Variants in TAFA2 observed in about 807,000 individuals in gnomAD.
The protein encoded by TAFA2 is TAFA chemokine like family member 2, also known as chemokine-like protein TAFA-2.
A neutral mutation model predicts 18.8 loss-of-function variants in TAFA2; 7 were observed. That is an observed-to-expected ratio of 0.37 (90% CI 0.21 to 0.70). TAFA2 has a LOEUF of 0.70. Ranked by LOEUF, TAFA2 falls within the 30% of genes least tolerant of loss-of-function variation. TAFA2 has a pLI of 0.53. For missense variants in TAFA2, 122 were observed against 158.1 expected, an observed-to-expected ratio of 0.77 and a Z score of 1.23; for synonymous variants, 60 against 54.2, an observed-to-expected ratio of 1.11 and a Z score of -0.47.
chr12:62,161,664 T>C (rs1272968332), intron 1 of TAFA2, among the ~76,000 whole-genome samples: 1 of 152,186 alleles, frequency 6.6e-6, no homozygotes, highest in Non-Finnish European at 1.5e-5. Flanking sequence ...TCTACACTTG[T>C]AACAAAATTG....
chr12:62,033,883 A>G (rs1395638546), intron 1 of TAFA2, among the ~76,000 whole-genome samples: 1 of 152,146 alleles, frequency 6.6e-6, no homozygotes, highest in African/African-American at 2.4e-5. Flanking sequence ...TCACTATTAG[A>G]TTACTTTTAT....
Position 61,836,739 on chromosome 12 carries a change from A to ATGTG in TAFA2, c.106+30580_106+30581insCACA, listed in dbSNP as rs1408943862. 5.0e-3 allele frequency among the ~76,000 whole-genome samples: 657 copies of ATGTG among 130,112 alleles called. 7 individuals carry two copies. The highest frequency in any genetic ancestry group is 0.014 in the African/African-American group (521 of 37,780). 85.4% of individuals were successfully genotyped at this position (130,112 alleles called of 152,430 possible). Reference sequence around the variant, plus strand: ...TAGAATTGTTGCCAATTTGATATATATATATATATATATATATACACACAC... The same window carrying ATGTG: ...TAGAATTGTTGCCAATTTGATATATATGTGTATATATATATATATATACACACAC... On this transcript the variant is annotated intron_variant, in intron 2 of 4. Coordinates refer to ENST00000416284, the MANE Select transcript of TAFA2 (RefSeq NM_178539.5).
At chr12:61,880,424 G>A (rs749830014) in intron 1 of TAFA2, 2 of 539,082 alleles carry the variant, frequency 3.7e-6, no homozygotes, top group Admixed American at 1.9e-5. Flanking sequence ...GCAGGACATG[G>A]CACAGCAGCT....
chr12:61,956,475 T>C (rs1181210436), intron 1 of TAFA2, among the ~76,000 whole-genome samples: 1 of 152,106 alleles, frequency 6.6e-6, no homozygotes, highest in Non-Finnish European at 1.5e-5. Context: ...AAGAGAGTTA[T>C]AAAATGACTA....
intron 1 of TAFA2, among the ~76,000 whole-genome samples, chr12:61,922,599 C>G (rs1446168953): frequency 6.6e-6 from 1 of 152,194 alleles, no homozygotes; most frequent in African/African-American, 2.4e-5. Flanking sequence ...TCTTTGCAAC[C>G]CGCAGACCAG....
chr12:62,156,901 A>G lies in TAFA2; in HGVS notation c.-2+34358T>C, dbSNP rs568515880. On this transcript the variant is annotated intron_variant, in intron 1 of 4. Coordinates refer to ENST00000416284, the MANE Select transcript of TAFA2 (RefSeq NM_178539.5). ...TAACTTAAGGGAAAAAAATTTAAAA[A>G]CTATATGTGATTCACTATGGTCTAT... Among the ~76,000 whole-genome samples the G allele has an allele frequency of 2.6e-4, 39 of 152,234 alleles. No homozygotes were observed. The South Asian group carries it at 6.6e-3, about 26-fold the overall frequency.
In TAFA2 at chr12:61,914,550, C is replaced by A. The variant is rs146362495; in HGVS notation, c.-1-47124G>T. ...TTATTCCAGTTAAAGTCTCTCTTGG[C>A]CCATCAATGAATAAAAACTACCTAA... On this transcript the variant is annotated intron_variant, in intron 1 of 4. Transcript: ENST00000416284. Among the ~76,000 whole-genome samples, 259 of 152,264 alleles carry A rather than the reference C, an allele frequency of 1.7e-3. 1 individual carries two copies. The highest frequency in any genetic ancestry group is 5.7e-3 in the African/African-American group (237 of 41,560).
At chr12:61,734,530 A>T (rs1023855189) in intron 4 of TAFA2, among the ~76,000 whole-genome samples, 16 of 152,020 alleles carry the variant, frequency 1.1e-4, no homozygotes, top group East Asian at 3.9e-4. Flanking sequence ...TAAAATAAAA[A>T]AAACTAAACT....
intron 2 of TAFA2, among the ~76,000 whole-genome samples, chr12:61,797,147 A>T (rs1871220719): frequency 6.6e-6 from 1 of 152,306 alleles, no homozygotes; most frequent in African/African-American, 2.4e-5. Flanking sequence ...TGGTTGTAGA[A>T]TGGTTAACAG....
intron 2 of TAFA2, among the ~76,000 whole-genome samples, chr12:61,866,769 A>T (rs2121217746): frequency 6.6e-6 from 1 of 152,334 alleles, no homozygotes; most frequent in Non-Finnish European, 1.5e-5. Context: ...CCCACAAAAA[A>T]CATTGAAAGA....
chr12:61,979,796 A>G (rs1244655104), intron 1 of TAFA2, among the ~76,000 whole-genome samples: 3 of 152,074 alleles, frequency 2.0e-5, no homozygotes, highest in Non-Finnish European at 1.5e-5. Context: ...CCATCACTAC[A>G]GTAAAGATGC....
intron 1 of TAFA2, among the ~76,000 whole-genome samples, chr12:61,962,754 T>A (rs1354174500): frequency 6.6e-6 from 1 of 152,024 alleles, no homozygotes; most frequent in Non-Finnish European, 1.5e-5. Flanking sequence ...GTATTAAATT[T>A]TTTTTATTAT....
At chr12:61,941,534 T>A (rs1343439984) in intron 1 of TAFA2, among the ~76,000 whole-genome samples, 1 of 152,210 alleles carries the variant, frequency 6.6e-6, no homozygotes, top group Non-Finnish European at 1.5e-5. Flanking sequence ...CATTTCCATC[T>A]GAGGTACCGG....
chr12:62,083,849 A>G (rs533351283), intron 1 of TAFA2, among the ~76,000 whole-genome samples: 3 of 152,294 alleles, frequency 2.0e-5, no homozygotes. Context: ...TTGTGTTAGT[A>G]ACCTTAGCAT....
chr12:62,024,367 T>C (rs1405274005), intron 1 of TAFA2, among the ~76,000 whole-genome samples: 3 of 152,188 alleles, frequency 2.0e-5, no homozygotes, highest in African/African-American at 7.2e-5. Context: ...TCATACCTTC[T>C]TCTAAAATGA....
At chr12:62,167,021 G>A (rs372652318) in intron 1 of TAFA2, among the ~76,000 whole-genome samples, 12 of 151,954 alleles carry the variant, frequency 7.9e-5, no homozygotes, top group African/African-American at 1.5e-4. Context: ...ATGACTTAGC[G>A]ATGTTTCCAT....
At chr12:61,931,075 C>T (rs1317383849) in intron 1 of TAFA2, among the ~76,000 whole-genome samples, 1 of 152,198 alleles carries the variant, frequency 6.6e-6, no homozygotes, top group East Asian at 1.9e-4. Context: ...AGAAATTGCG[C>T]TGTTCAAGTT....
intron 1 of TAFA2, among the ~76,000 whole-genome samples, chr12:62,036,179 A>T (rs749721828): frequency 3.9e-5 from 6 of 152,178 alleles, no homozygotes; most frequent in Non-Finnish European, 7.4e-5. Flanking sequence ...GGTTTTGCCA[A>T]AAGTCCCCTT....
intron 2 of TAFA2, among the ~76,000 whole-genome samples, chr12:61,790,716 T>C (rs1177042575): frequency 6.6e-6 from 1 of 151,770 alleles, no homozygotes; most frequent in African/African-American, 2.4e-5. Flanking sequence ...AACTGAGAAG[T>C]ACACGAATAA....
Sources: allele counts gnomAD v4.1 joint callset (sites outside exome capture counted in the v4.1 genomes callset), GRCh38; gene constraint gnomAD v4.1.1; transcripts MANE v1.5; gene names NCBI Gene and HGNC (gene_info 2026-07-23, HGNC 2026-07-21).